Variants in AKAP1 observed in about 807,000 individuals in gnomAD.
The protein encoded by AKAP1 is A-kinase anchor protein 1, mitochondrial.
AKAP1 carries 32 observed loss-of-function variants against 79.8 expected under a neutral mutation model. The ratio of observed to expected loss-of-function variants is 0.40; its 90% CI spans 0.30 to 0.54. The LOEUF is 0.54. Among genes scored for constraint, AKAP1 ranks in the 20% least tolerant of loss-of-function variants. The pLI is 0.47. For synonymous variants in AKAP1, 416 were observed against 466.7 expected (o/e 0.89, Z 1.40); for missense variants, 961 against 1,138.9 (o/e 0.84, Z 2.25).
At chr17:57,089,833 TG>T (rs565498180) in intron 1 of AKAP1, among the ~76,000 whole-genome samples, 24 of 152,336 alleles carry the variant, frequency 1.6e-4, no homozygotes, top group African/African-American at 5.8e-4. Context: ...AGAAAGGACC[TG>T]GGGACAGGAG....
rs764936272 is a variant in AKAP1 at position 57,118,361 on chromosome 17, T to G, written c.2501-20T>G. ...GCCTCAGTGAGAGCCTAAATGCCGC[T>G]TTTCCTTTTCCTCCTGAAGACGATG... is the stretch of plus-strand genomic sequence containing the variant. On this transcript the variant is annotated intron_variant, in intron 8 of 10. Transcript: ENST00000337714. 3.1e-6 allele frequency: 5 copies of G among 1,613,298 alleles called. No homozygotes were observed. The highest frequency in any genetic ancestry group is 4.2e-6 in the Non-Finnish European group (5 of 1,179,392).
rs770702496 is a variant in AKAP1 at position 57,106,561 on chromosome 17, C to T, written c.1097C>T (p.Thr366Ile). ...GAAGCAACCGAACAGGTGCTGGCCA[C>T]CACGGTTGGCAAGGTTGCAGGTCGT... ...ISEATEQVLA[T>I]TVGKVAGRVC... The change falls in exon 2 of 11, where the codon ACC becomes ATC. Residue 366 changes from threonine (T) to isoleucine (I), a missense_variant. Physicochemically the swap from Thr to Ile is moderately conservative, Grantham distance 89. Transcript: ENST00000337714. 6.2e-7 allele frequency: 1 copy of T among 1,614,218 alleles called. No individual in the cohort carries two copies. The highest frequency in any genetic ancestry group is 1.7e-5 in the Admixed American group (1 of 60,038).
At position 57,108,133 on chromosome 17, in the gene AKAP1, G is replaced by A. The variant is rs151000026; in HGVS notation, c.1714+955G>A. 1.2e-5 allele frequency: 9 copies of A among 755,334 alleles called. No individual in the cohort carries two copies. The African/African-American group carries it at 1.7e-4, about 15-fold the overall frequency. 46.8% of individuals were successfully genotyped at this position (755,334 alleles called of 1,614,324 possible). Reference sequence around the variant, plus strand: ...GAGAGAGGCCACGAATATCCCGAGTGGCTCTCTGACTTGTTTGTCCTGGAG... The same window carrying A: ...GAGAGAGGCCACGAATATCCCGAGTAGCTCTCTGACTTGTTTGTCCTGGAG... On this transcript the variant is annotated intron_variant, in intron 2 of 10. Coordinates refer to ENST00000337714, the MANE Select transcript of AKAP1 (RefSeq NM_003488.4).
intron 1 of AKAP1, among the ~76,000 whole-genome samples, chr17:57,099,682 A>G (rs1241342358): frequency 6.6e-6 from 1 of 152,156 alleles, no homozygotes; most frequent in Middle Eastern, 3.2e-3. Flanking sequence ...CTGGGGAACA[A>G]GCTGGGCAGG....
intron 1 of AKAP1, among the ~76,000 whole-genome samples, chr17:57,088,474 A>G (rs1677663868): frequency 6.6e-6 from 1 of 152,200 alleles, no homozygotes. Context: ...CACACCTCTG[A>G]GAACAGTGAG....
chr17:57,105,418 C>A, intron 1 of AKAP1, 23 bp from the exon 2 acceptor site: 1 of 1,608,208 alleles, frequency 6.2e-7, no homozygotes, highest in South Asian at 1.1e-5. Context: ...CATCCCTCCT[C>A]CCCGCTCTCC....
In AKAP1 at chr17:57,106,138, T is replaced by C; in HGVS notation, c.674T>C (p.Val225Ala). The C allele has an allele frequency of 1.2e-6, 2 of 1,609,112 alleles. No homozygotes were observed. Among genetic ancestry groups the C allele is most frequent in the South Asian group, 1.1e-5 (1 of 90,812 alleles). The stretch of plus-strand genomic sequence containing the variant: ...GAAGCTCTGTTGTCTCGGGAGCATG[T>C]CTTGGAATTGGAGAACAGCAAGGGC... ...LEEALLSREHVLELENSKGPS... is the reference protein window; with the variant it reads ...LEEALLSREHALELENSKGPS... The change falls in exon 2 of 11, where the codon GTC (valine) becomes GCC (alanine). Residue 225 changes from valine (V) to alanine (A), a missense_variant. Physicochemically the swap from Val to Ala is moderately conservative, Grantham distance 64. Around this residue, in one of 3 missense-constraint regions of AKAP1, gnomAD observed 224 missense variants for 210.2 expected, o/e 1.07. Coordinates refer to ENST00000337714, the MANE Select transcript of AKAP1 (RefSeq NM_003488.4).
chr17:57,107,075 A>G lies in AKAP1; in HGVS notation c.1611A>G (p.Pro537=). 1 of 1,614,226 alleles carries G rather than the reference A, an allele frequency of 6.2e-7. No individual in the cohort carries two copies. The highest frequency in any genetic ancestry group is 8.5e-7 in the Non-Finnish European group (1 of 1,180,042). ...ACAAGGCCATCACCCCGCCACTGCC[A>G]GAAAGTACTGTGCCCTTCAGCAATG... ...PRDKAITPPL[P]ESTVPFSNGV... Residue 537 remains proline (P), a synonymous_variant, in exon 2 of 11, where the codon CCA becomes CCG. Transcript: ENST00000337714.
At position 57,116,936 on chromosome 17, in the gene AKAP1, T is replaced by C; in HGVS notation, c.2500+9T>C. 1 of 1,613,672 alleles carries C rather than the reference T, an allele frequency of 6.2e-7. No individual in the cohort carries two copies. Among genetic ancestry groups the C allele is most frequent in the Non-Finnish European group, 8.5e-7 (1 of 1,179,566 alleles). On this transcript the variant is annotated intron_variant, in intron 8 of 10. Coordinates refer to ENST00000337714, the MANE Select transcript of AKAP1 (RefSeq NM_003488.4). ...TGTGATGCCCCTGTCAGGTAACAGCTGAGGCCTTTGGCTTGGGGGATTGTT... is the reference window on the plus strand; with the variant it reads ...TGTGATGCCCCTGTCAGGTAACAGCCGAGGCCTTTGGCTTGGGGGATTGTT...
chr17:57,107,263 C>A, intron 2 of AKAP1, 85 bp downstream of exon 2: 1 of 1,512,024 alleles, frequency 6.6e-7, no homozygotes, highest in Non-Finnish European at 8.9e-7. Flanking sequence ...CTCCCTTCTG[C>A]TACTTGTGCA....
In AKAP1 at chr17:57,120,586, A is replaced by G. The variant is rs1597997156; in HGVS notation, c.*262A>G. On this transcript the variant is annotated 3_prime_UTR_variant, in exon 11 of 11. Transcript: ENST00000337714. ...TCAGCTGTTTAAAAAAAAAAAAAAA[A>G]AGGAATAGAAACAGTTTCAACCAGA... 1 of 360,646 alleles carries G rather than the reference A, an allele frequency of 2.8e-6. No homozygotes were observed. Among genetic ancestry groups the G allele is most frequent in the Non-Finnish European group, 5.0e-6 (1 of 199,386 alleles). 22.3% of individuals were successfully genotyped at this position (360,646 alleles called of 1,614,324 possible). A position where few individuals can be genotyped will look rare whatever the true frequency, so the allele number is the denominator to read the frequency against.
At chr17:57,092,546 T>C (rs1184421859) in intron 1 of AKAP1, 2 of 152,256 alleles carry the variant, frequency 1.3e-5, no homozygotes, top group African/African-American at 4.8e-5. Context: ...GTAAGGCTAA[T>C]GTGTGGTGTG....
At chr17:57,103,783 G>C (rs1323314369) in intron 1 of AKAP1, among the ~76,000 whole-genome samples, 2 of 152,180 alleles carry the variant, frequency 1.3e-5, no homozygotes, top group Admixed American at 6.5e-5. Flanking sequence ...TACCTTTAGT[G>C]AGTGTTAACT....
At chr17:57,103,143 G>A (rs183507584) in intron 1 of AKAP1, among the ~76,000 whole-genome samples, 1 of 152,324 alleles carries the variant, frequency 6.6e-6, no homozygotes, top group East Asian at 1.9e-4. Context: ...CTTCCCTGAG[G>A]AATTGATGTA....
intron 1 of AKAP1, among the ~76,000 whole-genome samples, chr17:57,087,797 C>T (rs1913552657): frequency 6.6e-6 from 1 of 152,190 alleles, no homozygotes. Flanking sequence ...GCCTCCTGCT[C>T]CCAGCCTGCA....
At chr17:57,091,727 C>T (rs748905878) in intron 1 of AKAP1, among the ~76,000 whole-genome samples, 10 of 151,574 alleles carry the variant, frequency 6.6e-5, no homozygotes, top group Non-Finnish European at 1.3e-4. Context: ...CTTGCTTTGT[C>T]ACCCAGGCTA....
Position 57,105,984 on chromosome 17 carries a change from G to T in AKAP1, c.520G>T (p.Val174Leu). 1 of 1,614,148 alleles carries T rather than the reference G, an allele frequency of 6.2e-7. No individual in the cohort carries two copies. Residue 174 changes from valine to leucine, a missense_variant, in exon 2 of 11, where the codon GTG becomes TTG. Coordinates refer to ENST00000337714, the MANE Select transcript of AKAP1 (RefSeq NM_003488.4). ...TAAGCAAGATTCCCCCTTCAGCAGG[G>T]TGCCAAGGAAGGTCCAGCCAGGCTA... ...VCKQDSPFSR[V>L]PRKVQPGYPV...
At chr17:57,119,086 A>G (rs1231900279) in intron 10 of AKAP1, 42 bp downstream of exon 10, 4 of 1,597,428 alleles carry the variant, frequency 2.5e-6, no homozygotes, top group Non-Finnish European at 3.4e-6. Flanking sequence ...GCTGGCCCGA[A>G]GTAATGGATT....
At position 57,106,894 on chromosome 17, in the gene AKAP1, G is replaced by A. The variant is rs756059640; in HGVS notation, c.1430G>A (p.Arg477Gln). The A allele has an allele frequency of 2.0e-5, 33 of 1,613,738 alleles. No individual in the cohort carries two copies. Among genetic ancestry groups the A allele is most frequent in the African/African-American group, 8.0e-5 (6 of 74,918 alleles). The change falls in exon 2 of 11, where the codon CGG becomes CAG. Residue 477 changes from arginine to glutamine, a missense_variant. Physicochemically the swap from Arg to Gln is conservative, Grantham distance 43 (BLOSUM62 1). Transcript: ENST00000337714. ...LTTPSEELPD[R>Q]AGILVEDATC... is the part of the protein sequence containing the mutation. The stretch of plus-strand genomic sequence containing the variant: ...ACCCCCAGTGAAGAGTTGCCGGACC[G>A]GGCAGGCATCCTGGTGGAAGATGCC...
Sources: allele counts gnomAD v4.1 joint callset (sites outside exome capture counted in the v4.1 genomes callset), GRCh38; gene constraint gnomAD v4.1.1; regional missense constraint gnomAD v4.1.1; transcripts MANE v1.5; gene names NCBI Gene and HGNC (gene_info 2026-07-23, HGNC 2026-07-21).